The following PARD3 variants were observed in gnomAD, a reference collection of about 807,000 sequenced individuals.
The protein encoded by PARD3 is par-3 family cell polarity regulator.
In PARD3, 75 loss-of-function variants were observed where a neutral mutation model predicts 155.4. The ratio of observed to expected loss-of-function variants is 0.48; its 90% CI spans 0.40 to 0.58. PARD3 has a LOEUF of 0.58. PARD3 is among the 20% of genes least tolerant of loss of function. The pLI, the probability that PARD3 is intolerant of heterozygous loss-of-function variation, is 0.00. For synonymous variants in PARD3, 576 were observed against 610.5 expected (o/e 0.94, Z 0.83); for missense variants, 1,642 against 1,721.7 (o/e 0.95, Z 0.82).
intron 21 of PARD3, among the ~76,000 whole-genome samples, chr10:34,275,921 T>G (rs1955854309): frequency 6.6e-6 from 1 of 152,140 alleles, no homozygotes; most frequent in Non-Finnish European, 1.5e-5. Flanking sequence ...TTCAGCATTC[T>G]CTATCCCATT....
intron 20 of PARD3, among the ~76,000 whole-genome samples, chr10:34,289,904 T>A (rs610066): frequency 0.65 from 98,303 of 152,048 alleles, 32,445 homozygotes; most frequent in African/African-American, 0.78. Context: ...TGAATGGGGA[T>A]AGCAAAAAGC....
chr10:34,674,564 G>A lies in PARD3; in HGVS notation c.222+21754C>T, dbSNP rs866996651. Among the ~76,000 whole-genome samples, 3 of 139,846 alleles carry A rather than the reference G, an allele frequency of 2.1e-5. No homozygotes were observed. In the South Asian group the frequency reaches 6.8e-4, roughly 32 times the overall value. 91.7% of individuals were successfully genotyped at this position (139,846 alleles called of 152,430 possible). The stretch of plus-strand genomic sequence containing the variant: ...TGCAGTGGCACAATCTCGGCTCACT[G>A]CAACCTCCGTCTCCCGGGTTCAAGC... On this transcript the variant is annotated intron_variant, in intron 2 of 24. Coordinates refer to ENST00000374788, the MANE Select transcript of PARD3 (RefSeq NM_001184785.2).
At chr10:34,677,479 CAAA>C (rs978427726) in intron 2 of PARD3, among the ~76,000 whole-genome samples, 1 of 109,484 alleles carries the variant, frequency 9.1e-6, no homozygotes, top group Admixed American at 9.6e-5. Flanking sequence ...GACTCTGTCT[CAAA>C]AAAAAAAAAA....
At chr10:34,241,139 C>T (rs573126884) in intron 22 of PARD3, among the ~76,000 whole-genome samples, 39 of 152,234 alleles carry the variant, frequency 2.6e-4, no homozygotes, top group South Asian at 1.2e-3. Flanking sequence ...AGGGACCATG[C>T]GCTTGAGAGG....
intron 7 of PARD3, among the ~76,000 whole-genome samples, chr10:34,395,009 C>T (rs2132124397): frequency 6.6e-6 from 1 of 151,510 alleles, no homozygotes; most frequent in East Asian, 1.9e-4. Flanking sequence ...AAAATAGTGG[C>T]ATTTGTGGTT....
At chr10:34,488,643 G>C (rs899553830) in intron 3 of PARD3, 5 of 152,546 alleles carry the variant, frequency 3.3e-5, no homozygotes, top group African/African-American at 1.2e-4. Flanking sequence ...GGGATGTGCA[G>C]GGCCTCAAGG....
At chr10:34,457,485 G>T (rs2077399309) in intron 4 of PARD3, among the ~76,000 whole-genome samples, 1 of 152,194 alleles carries the variant, frequency 6.6e-6, no homozygotes, top group Admixed American at 6.5e-5. Flanking sequence ...CTTACTGACT[G>T]AAAGAAGAAA....
chr10:34,581,229 CTTTT>C (rs2087431726), intron 2 of PARD3, among the ~76,000 whole-genome samples: 1 of 95,152 alleles, frequency 1.1e-5, no homozygotes, highest in Non-Finnish European at 2.1e-5. Flanking sequence ...TTTTCTTTTT[CTTTT>C]CTTTTTTTTT....
chr10:34,412,019 G>C (rs1434419268), intron 5 of PARD3, among the ~76,000 whole-genome samples: 3 of 151,482 alleles, frequency 2.0e-5, no homozygotes, highest in African/African-American at 7.3e-5. Context: ...CTGGAGTACA[G>C]TGGTATAATC....
At position 34,722,318 on chromosome 10, in the gene PARD3, G is replaced by A. The variant is rs541908250; in HGVS notation, c.121-25899C>T. 8.0e-4 allele frequency among the ~76,000 whole-genome samples: 121 copies of A among 152,136 alleles called. 1 individual carries two copies. Among genetic ancestry groups the A allele is most frequent in the Middle Eastern group, 3.4e-3 (1 of 294 alleles). ...AAACAGTAACAAATAAGATTTGCCCGTCACCACACTGTCATTCACTCTTGC... is the reference window on the plus strand; with the variant it reads ...AAACAGTAACAAATAAGATTTGCCCATCACCACACTGTCATTCACTCTTGC... On this transcript the variant is annotated intron_variant, in intron 1 of 24. Coordinates refer to ENST00000374788, the MANE Select transcript of PARD3 (RefSeq NM_001184785.2).
At chr10:34,549,599 G>T (rs2084372052) in intron 2 of PARD3, among the ~76,000 whole-genome samples, 1 of 152,080 alleles carries the variant, frequency 6.6e-6, no homozygotes, top group Non-Finnish European at 1.5e-5. Context: ...ATTTTTTCAT[G>T]ACATTGATTA....
chr10:34,495,911 T>C (rs1446378731), intron 3 of PARD3, among the ~76,000 whole-genome samples: 1 of 150,712 alleles, frequency 6.6e-6, no homozygotes, highest in Non-Finnish European at 1.5e-5. Flanking sequence ...CTGAAACCAA[T>C]AAAGGAAGAG....
At chr10:34,393,972 G>A (rs561700719) in intron 7 of PARD3, among the ~76,000 whole-genome samples, 1 of 151,902 alleles carries the variant, frequency 6.6e-6, no homozygotes, top group African/African-American at 2.4e-5. Flanking sequence ...TGAGTGGCTG[G>A]GATTACAGGC....
chr10:34,798,654 G>A (rs371981172), intron 1 of PARD3, among the ~76,000 whole-genome samples: 3 of 142,656 alleles, frequency 2.1e-5, no homozygotes, highest in Non-Finnish European at 3.0e-5. Context: ...GCAGTGAGCC[G>A]AGATGTCGCC....
chr10:34,206,174 T>C (rs1951471830), intron 22 of PARD3, among the ~76,000 whole-genome samples: 1 of 143,880 alleles, frequency 7.0e-6, no homozygotes. Context: ...CCAGTGCAGG[T>C]GTGGAAGGTG....
intron 2 of PARD3, among the ~76,000 whole-genome samples, chr10:34,660,719 A>G (rs960693679): frequency 6.6e-6 from 1 of 152,182 alleles, no homozygotes; most frequent in Non-Finnish European, 1.5e-5. Context: ...ACCACTAGGC[A>G]TCCTTTTGGC....
At chr10:34,237,780 T>A (rs1426030633) in intron 22 of PARD3, among the ~76,000 whole-genome samples, 2 of 152,194 alleles carry the variant, frequency 1.3e-5, no homozygotes, top group Non-Finnish European at 2.9e-5. Flanking sequence ...TACGTAGGAT[T>A]GGGAATTAAG....
At chr10:34,620,289 G>A (rs1366333040) in intron 2 of PARD3, among the ~76,000 whole-genome samples, 1 of 152,024 alleles carries the variant, frequency 6.6e-6, no homozygotes, top group Non-Finnish European at 1.5e-5. Flanking sequence ...TGAAACCCAC[G>A]CCCATTTGTG....
intron 2 of PARD3, among the ~76,000 whole-genome samples, chr10:34,636,857 C>G (rs376662680): frequency 6.6e-6 from 1 of 152,172 alleles, no homozygotes; most frequent in Non-Finnish European, 1.5e-5. Flanking sequence ...AAGCACGAAA[C>G]AGGAAAACCA....
Sources: gnomAD v4.1 joint callset for allele counts (sites outside exome capture counted in the v4.1 genomes callset) on GRCh38, gnomAD v4.1.1 for gene constraint, MANE v1.5 for transcripts, NCBI Gene and HGNC (gene_info 2026-07-23, HGNC 2026-07-21) for gene names.